SLC8A1: variants seen among roughly 807,000 people sequenced by gnomAD.
SLC8A1 encodes sodium/calcium exchanger 1.
SLC8A1 carries 18 observed loss-of-function variants against 68.3 expected under a neutral mutation model. The ratio of observed to expected loss-of-function variants is 0.26; its 90% CI spans 0.18 to 0.39. The LOEUF (loss-of-function observed/expected upper bound fraction) is 0.39, where lower values mean the gene tolerates loss of function less well. Among genes scored for constraint, SLC8A1 ranks in the 10% least tolerant of loss-of-function variants. The probability of loss-of-function intolerance (pLI) is 1.00; values close to 1 mark genes in which losing one functional copy is unlikely to be tolerated. For synonymous variants in SLC8A1, 475 were observed against 415.5 expected (o/e 1.14, Z -1.74); for missense variants, 985 against 1,156.7 (o/e 0.85, Z 2.15).
At chr2:40,160,219 T>C (rs2045423249) in intron 6 of SLC8A1, among the ~76,000 whole-genome samples, 1 of 152,204 alleles carries the variant, frequency 6.6e-6, no homozygotes, top group African/African-American at 2.4e-5. Context: ...ACACTTCATT[T>C]TGTAGGAACT....
intron 2 of SLC8A1, among the ~76,000 whole-genome samples, chr2:40,269,692 C>G (rs2065785586): frequency 6.6e-6 from 1 of 152,132 alleles, no homozygotes; most frequent in African/African-American, 2.4e-5. Flanking sequence ...CATGAAGTGA[C>G]CACACAGAGG....
chr2:40,400,118 T>A (rs961539500), intron 2 of SLC8A1, among the ~76,000 whole-genome samples: 1 of 152,068 alleles, frequency 6.6e-6, no homozygotes, highest in African/African-American at 2.4e-5. Flanking sequence ...CCCCTTAGAG[T>A]TGTGAGCCCT....
intron 2 of SLC8A1, among the ~76,000 whole-genome samples, chr2:40,219,932 T>C (rs572651759): frequency 4.2e-5 from 1 of 23,810 alleles, no homozygotes; most frequent in East Asian, 5.3e-4. Flanking sequence ...TCTGTCAAAA[T>C]TTGGTTAGGG....
chr2:40,345,536 T>C (rs1668982856), intron 2 of SLC8A1, among the ~76,000 whole-genome samples: 1 of 152,094 alleles, frequency 6.6e-6, no homozygotes, highest in South Asian at 2.1e-4. Context: ...CACTGATTTA[T>C]TCCCAGAGTT....
chr2:40,122,201 C>CAT (rs1553339167), intron 7 of SLC8A1, among the ~76,000 whole-genome samples: 3 of 146,016 alleles, frequency 2.1e-5, no homozygotes, highest in African/African-American at 2.6e-5. Flanking sequence ...AGTGCATGCG[C>CAT]GCGCGCACAC....
chr2:40,217,339 T>C (rs540730754), intron 2 of SLC8A1, among the ~76,000 whole-genome samples: 13 of 152,308 alleles, frequency 8.5e-5, no homozygotes, highest in Non-Finnish European at 1.8e-4. Flanking sequence ...TTTTGTTCCA[T>C]TGGTTTATAT....
At chr2:40,164,362 G>A (rs543669394) in intron 5 of SLC8A1, among the ~76,000 whole-genome samples, 1 of 152,288 alleles carries the variant, frequency 6.6e-6, no homozygotes, top group Non-Finnish European at 1.5e-5. Flanking sequence ...AATGTCCTTG[G>A]ATCTGAAGAG....
intron 1 of SLC8A1, among the ~76,000 whole-genome samples, chr2:40,464,783 C>T (rs991059983): frequency 3.3e-5 from 5 of 152,114 alleles, no homozygotes; most frequent in Admixed American, 2.6e-4. Flanking sequence ...TGGGAGTCAA[C>T]CTATAAGAAT....
At chr2:40,284,629 T>G (rs1489738618) in intron 2 of SLC8A1, among the ~76,000 whole-genome samples, 2 of 145,818 alleles carry the variant, frequency 1.4e-5, no homozygotes, top group African/African-American at 2.5e-5. Context: ...ATTGAAAGCT[T>G]TTGGGGAAAA....
chr2:40,376,594 G>C (rs1239042908), intron 2 of SLC8A1, among the ~76,000 whole-genome samples: 2 of 152,066 alleles, frequency 1.3e-5, no homozygotes, highest in Non-Finnish European at 2.9e-5. Context: ...AAAGGGAAAG[G>C]GAAAAGGAAA....
At chr2:40,382,046 T>C (rs901216351) in intron 2 of SLC8A1, among the ~76,000 whole-genome samples, 1 of 152,098 alleles carries the variant, frequency 6.6e-6, no homozygotes, top group East Asian at 1.9e-4. Flanking sequence ...GTTTCAGTGA[T>C]TGATTTTCTG....
chr2:40,506,129 G>A (rs1706353114), intron 1 of SLC8A1, among the ~76,000 whole-genome samples: 1 of 147,042 alleles, frequency 6.8e-6, no homozygotes, highest in African/African-American at 2.5e-5. Context: ...TTTGACCATG[G>A]AAAGCTTTAC....
chr2:40,218,461 T>C (rs73926129), intron 2 of SLC8A1, among the ~76,000 whole-genome samples: 18,053 of 152,184 alleles, frequency 0.12, 1,158 homozygotes, highest in Non-Finnish European at 0.13. Context: ...ACAAAATTAA[T>C]TGTGGTTTTT....
intron 1 of SLC8A1, among the ~76,000 whole-genome samples, chr2:40,442,526 G>T (rs1328269219): frequency 6.6e-6 from 1 of 151,956 alleles, no homozygotes; most frequent in Non-Finnish European, 1.5e-5. Context: ...CTGATCATTA[G>T]AGAAATGCAA....
intron 4 of SLC8A1, among the ~76,000 whole-genome samples, chr2:40,172,253 A>G (rs998435503): frequency 6.6e-6 from 1 of 152,208 alleles, no homozygotes; most frequent in Non-Finnish European, 1.5e-5. Context: ...TGATTTAGGA[A>G]AAGAAGGGTC....
intron 1 of SLC8A1, among the ~76,000 whole-genome samples, chr2:40,476,773 A>C (rs1340698214): frequency 2.0e-5 from 3 of 152,194 alleles, no homozygotes; most frequent in Non-Finnish European, 4.4e-5. Flanking sequence ...TAGGGCCTTG[A>C]ACACCATAGG....
intron 2 of SLC8A1, among the ~76,000 whole-genome samples, chr2:40,226,588 T>A (rs563324464): frequency 6.6e-4 from 101 of 152,224 alleles, no homozygotes; most frequent in Non-Finnish European, 1.8e-4. Context: ...GTCTAGATTC[T>A]TCCACCTTGC....
exon 8 of SLC8A1, chr2:40,114,926 A>C (rs1223199154): frequency 1.2e-5 from 2 of 164,264 alleles, no homozygotes; most frequent in African/African-American, 4.8e-5. Context: ...AAAGCCAAAC[A>C]TTAACTACCT....
chr2:40,240,872 C>A (rs1342298226), intron 2 of SLC8A1, among the ~76,000 whole-genome samples: 4 of 152,016 alleles, frequency 2.6e-5, no homozygotes. Context: ...GAATGATACC[C>A]CGACTCAAAA....
Sources: gnomAD v4.1 joint callset for allele counts (sites outside exome capture counted in the v4.1 genomes callset) on GRCh38, gnomAD v4.1.1 for gene constraint, MANE v1.5 for transcripts, NCBI Gene and HGNC (gene_info 2026-07-23, HGNC 2026-07-21) for gene names.